EYA1: variants seen among roughly 807,000 people sequenced by gnomAD.
The protein encoded by EYA1 is protein phosphatase EYA1.
In EYA1, 16 loss-of-function variants were observed where a neutral mutation model predicts 82.0. The observed-to-expected ratio is 0.20, with a 90% confidence interval of 0.13 to 0.30. The LOEUF is 0.30. Ranked by LOEUF, EYA1 falls within the 10% of genes least tolerant of loss-of-function variation. EYA1 has a pLI of 1.00. For synonymous variants in EYA1, 261 were observed against 264.4 expected (o/e 0.99, Z 0.12); for missense variants, 633 against 730.7 (o/e 0.87, Z 1.54).
At chr8:71,382,879 T>A (rs551363435) in intron 2 of EYA1, among the ~76,000 whole-genome samples, 4 of 152,178 alleles carry the variant, frequency 2.6e-5, no homozygotes, top group African/African-American at 9.6e-5. Flanking sequence ...CTTAGTATTA[T>A]AACAGTAGAA....
intron 2 of EYA1, among the ~76,000 whole-genome samples, chr8:71,485,285 T>C (rs543865233): frequency 6.6e-5 from 10 of 152,338 alleles, no homozygotes; most frequent in African/African-American, 2.4e-4. Flanking sequence ...CAACTTGTAA[T>C]TTTTCATATA....
intron 11 of EYA1, among the ~76,000 whole-genome samples, chr8:71,258,207 T>A (rs1586039428): frequency 6.6e-6 from 1 of 152,344 alleles, no homozygotes; most frequent in African/African-American, 2.4e-5. Context: ...GCTAGGCACC[T>A]ACAACATTAC....
At chr8:71,383,404 A>G (rs1026730154) in intron 2 of EYA1, among the ~76,000 whole-genome samples, 2 of 152,120 alleles carry the variant, frequency 1.3e-5, no homozygotes, top group Non-Finnish European at 2.9e-5. Flanking sequence ...ATACTGTTTC[A>G]AATGGTCAAA....
intron 2 of EYA1, among the ~76,000 whole-genome samples, chr8:71,459,954 C>T (rs1187671872): frequency 6.6e-6 from 1 of 152,094 alleles, no homozygotes; most frequent in East Asian, 1.9e-4. Context: ...AATATCTCTC[C>T]TAAGAATTTT....
chr8:71,203,922 G>T (rs1449090013), intron 17 of EYA1, among the ~76,000 whole-genome samples: 3 of 152,168 alleles, frequency 2.0e-5, no homozygotes, highest in Non-Finnish European at 2.9e-5. Flanking sequence ...GTCTGAGTGG[G>T]CCAACTGGTT....
intron 2 of EYA1, among the ~76,000 whole-genome samples, chr8:71,406,101 T>G (rs551915088): frequency 6.6e-6 from 1 of 152,326 alleles, no homozygotes; most frequent in African/African-American, 2.4e-5. Context: ...ACTACATATG[T>G]GCAGTTTTTT....
At chr8:71,373,820 C>G (rs1828215763) in intron 2 of EYA1, among the ~76,000 whole-genome samples, 1 of 152,004 alleles carries the variant, frequency 6.6e-6, no homozygotes, top group Non-Finnish European at 1.5e-5. Context: ...GATAAAGAGT[C>G]CAGAAATAAA....
chr8:71,368,845 C>T (rs2129087185), intron 2 of EYA1, among the ~76,000 whole-genome samples: 1 of 152,024 alleles, frequency 6.6e-6, no homozygotes, highest in East Asian at 1.9e-4. Flanking sequence ...ATTATCAACC[C>T]ACGAATGACT....
intron 3 of EYA1, among the ~76,000 whole-genome samples, chr8:71,347,489 A>AT (rs1257204302): frequency 2.0e-5 from 3 of 151,862 alleles, no homozygotes; most frequent in Non-Finnish European, 4.4e-5. Context: ...CGCCTGGATA[A>AT]TTTTTTGTAT....
intron 2 of EYA1, among the ~76,000 whole-genome samples, chr8:71,421,366 A>T (rs1420672391): frequency 6.6e-6 from 1 of 152,188 alleles, no homozygotes; most frequent in African/African-American, 2.4e-5. Context: ...TCCTTTTACA[A>T]TGAGGAAACT....
In EYA1 at chr8:71,388,996, A is replaced by T. The variant is rs1013621547; in HGVS notation, c.34-32485T>A. 4.6e-5 allele frequency among the ~76,000 whole-genome samples: 7 copies of T among 151,230 alleles called. No homozygotes were observed. The South Asian group carries it at 1.5e-3, about 32-fold the overall frequency. ...AACATTCCTCTTCTGGGCCCCTCTC[A>T]CCCCTCCACACGAGAACGCCTGCCA... On this transcript the variant is annotated intron_variant, in intron 2 of 18. Coordinates refer to the EYA1 transcript ENST00000643681.
intron 3 of EYA1, among the ~76,000 whole-genome samples, chr8:71,349,767 G>A (rs1182455366): frequency 2.0e-5 from 3 of 152,000 alleles, no homozygotes; most frequent in Non-Finnish European, 4.4e-5. Flanking sequence ...TAGTGAAGCT[G>A]GAATTCAAGC....
rs543074654 is a variant in EYA1, at chr8:71,406,063, A to G, written c.34-49552T>C. Reference sequence around the variant, plus strand: ...TTCTTTAACAACCAGTGGCATATTCATATGTCCAAACTCAGCAAATTGTAT... The same window carrying G: ...TTCTTTAACAACCAGTGGCATATTCGTATGTCCAAACTCAGCAAATTGTAT... On this transcript the variant is annotated intron_variant, in intron 2 of 18. Transcript: ENST00000643681. Among the ~76,000 whole-genome samples, 4 of 152,306 alleles carry G rather than the reference A, an allele frequency of 2.6e-5. No homozygotes were observed. In the East Asian group the frequency reaches 7.7e-4, roughly 29 times the overall value.
chr8:71,225,905 T>A (rs1810501324), intron 12 of EYA1, among the ~76,000 whole-genome samples: 1 of 152,228 alleles, frequency 6.6e-6, no homozygotes, highest in South Asian at 2.1e-4. Flanking sequence ...TATGTTTATA[T>A]TAGCTAGGAG....
intron 2 of EYA1, among the ~76,000 whole-genome samples, chr8:71,374,075 G>A (rs938146425): frequency 2.6e-5 from 4 of 152,112 alleles, no homozygotes; most frequent in Non-Finnish European, 5.9e-5. Context: ...TTTGGTCTTG[G>A]TGATGATTTT....
chr8:71,220,760 G>A (rs1262629620), intron 12 of EYA1, among the ~76,000 whole-genome samples: 1 of 152,234 alleles, frequency 6.6e-6, no homozygotes, highest in African/African-American at 2.4e-5. Context: ...CCAAGTGGGT[G>A]TGAGGGAAAG....
intron 2 of EYA1, among the ~76,000 whole-genome samples, chr8:71,408,753 G>C (rs2129137660): frequency 7.2e-6 from 1 of 137,958 alleles, no homozygotes; most frequent in Non-Finnish European, 1.5e-5. Context: ...AAGAGACTTA[G>C]ACTCCCACAC....
chr8:71,494,466 T>C (rs1811264782), intron 2 of EYA1, among the ~76,000 whole-genome samples: 1 of 152,188 alleles, frequency 6.6e-6, no homozygotes, highest in Non-Finnish European at 1.5e-5. Context: ...TTAAGATAAA[T>C]TATTTTTACT....
chr8:71,331,856 T>C (rs1823914642), intron 4 of EYA1, among the ~76,000 whole-genome samples: 1 of 152,236 alleles, frequency 6.6e-6, no homozygotes, highest in Admixed American at 6.5e-5. Flanking sequence ...TTTTGTTTTG[T>C]TTTTGTTTTG....
Sources: allele counts gnomAD v4.1 joint callset (sites outside exome capture counted in the v4.1 genomes callset), GRCh38; gene constraint gnomAD v4.1.1; transcripts MANE v1.5; gene names NCBI Gene and HGNC (gene_info 2026-07-23, HGNC 2026-07-21).